The following FAM13A variants were observed in gnomAD, a reference collection of about 807,000 sequenced individuals.
FAM13A encodes the protein protein FAM13A.
A neutral mutation model predicts 129.6 loss-of-function variants in FAM13A; 76 were observed. The ratio of observed to expected loss-of-function variants is 0.59; its 90% CI spans 0.49 to 0.71. FAM13A has a LOEUF of 0.71. FAM13A is among the 30% of genes least tolerant of loss of function. The pLI is 0.00. For missense variants in FAM13A, 1,108 were observed against 1,249.3 expected, an observed-to-expected ratio of 0.89 and a Z score of 1.70; for synonymous variants, 443 against 449.9, an observed-to-expected ratio of 0.98 and a Z score of 0.20.
chr4:88,960,473 C>A (rs1297425433), intron 4 of FAM13A, among the ~76,000 whole-genome samples: 1 of 152,138 alleles, frequency 6.6e-6, no homozygotes, highest in African/African-American at 2.4e-5. Flanking sequence ...TTGAAGTAAT[C>A]CCTTGGTTCT....
chr4:88,985,858 A>AC (rs1762168889), intron 4 of FAM13A, among the ~76,000 whole-genome samples: 1 of 151,882 alleles, frequency 6.6e-6, no homozygotes, highest in Admixed American at 6.6e-5. Flanking sequence ...TAAAAAAAAA[A>AC]AAACTGTTGG....
chr4:88,892,401 G>A (rs186646303), intron 6 of FAM13A, among the ~76,000 whole-genome samples: 41 of 151,920 alleles, frequency 2.7e-4, no homozygotes, highest in Non-Finnish European at 1.6e-4. Context: ...GGATGGTCTC[G>A]ATCTCCTGAC....
intron 3 of FAM13A, among the ~76,000 whole-genome samples, chr4:88,999,859 G>C (rs1235375113): frequency 6.6e-6 from 1 of 152,050 alleles, no homozygotes; most frequent in South Asian, 2.1e-4. Flanking sequence ...TAATCATCTG[G>C]CTATCCCTTC....
chr4:88,873,618 A>G (rs948077011), intron 6 of FAM13A, among the ~76,000 whole-genome samples: 1 of 152,258 alleles, frequency 6.6e-6, no homozygotes, highest in Admixed American at 6.5e-5. Flanking sequence ...GAATAGACCA[A>G]TAACAGCCTC....
intron 6 of FAM13A, among the ~76,000 whole-genome samples, chr4:88,862,877 A>G (rs1312091350): frequency 6.6e-6 from 1 of 152,068 alleles, no homozygotes; most frequent in African/African-American, 2.4e-5. Flanking sequence ...ATTCTACGTA[A>G]ATAATATAGT....
chr4:89,014,002 T>C (rs1766106792), intron 3 of FAM13A, among the ~76,000 whole-genome samples: 1 of 152,138 alleles, frequency 6.6e-6, no homozygotes, highest in Admixed American at 6.6e-5. Flanking sequence ...GTACACCCTG[T>C]GGTGCAATAG....
In FAM13A at chr4:88,865,878, C is replaced by CTTTTTT. The variant is rs34865210; in HGVS notation, c.844-14701_844-14696dup. ...TTTCAACTTTTTCCTTTGTCTCTCT[C>CTTTTTT]TTTTTTTTTTTTTTTTTTTTTTTTT... On this transcript the variant is annotated intron_variant, in intron 6 of 23. Transcript: ENST00000264344. 5.9e-4 allele frequency among the ~76,000 whole-genome samples: 49 copies of CTTTTTT among 83,218 alleles called. 3 individuals carry two copies. The highest frequency in any genetic ancestry group is 9.3e-4 in the African/African-American group (18 of 19,396). 54.6% of individuals were successfully genotyped at this position (83,218 alleles called of 152,430 possible).
chr4:88,938,175 T>A lies in FAM13A; in HGVS notation c.672A>T (p.Leu224=), dbSNP rs763590485. 1.2e-6 allele frequency: 2 copies of A among 1,613,488 alleles called. No homozygotes were observed. Among genetic ancestry groups the A allele is most frequent in the Non-Finnish European group, 1.7e-6 (2 of 1,179,482 alleles). ...DLCNKIMAKI[L]ENYNTLFEVE... ...CTTCAAACAGGGTATTGTAATTTTC[T>A]AGAATTTTAGCCATTATCTTGTTGC... The change falls in exon 5 of 24, where the codon CTA becomes CTT. Residue 224 remains leucine (L), a synonymous_variant. Coordinates refer to ENST00000264344, the MANE Select transcript of FAM13A (RefSeq NM_014883.4).
At chr4:88,862,663 T>C (rs1251114919) in intron 6 of FAM13A, among the ~76,000 whole-genome samples, 1 of 152,212 alleles carries the variant, frequency 6.6e-6, no homozygotes, top group Non-Finnish European at 1.5e-5. Context: ...ACTTTGATGC[T>C]CACTAAAGAG....
At chr4:89,003,636 GA>G (rs1421299594) in intron 3 of FAM13A, among the ~76,000 whole-genome samples, 1 of 143,942 alleles carries the variant, frequency 6.9e-6, no homozygotes, top group African/African-American at 2.6e-5. Context: ...GGGGAAAAAA[GA>G]AAAAAATATA....
intron 1 of FAM13A, among the ~76,000 whole-genome samples, chr4:89,055,997 C>G (rs370374732): frequency 3.3e-5 from 5 of 152,266 alleles, no homozygotes; most frequent in African/African-American, 1.2e-4. Context: ...CAGCAAATTG[C>G]AGCTCTTTCT....
intron 8 of FAM13A, among the ~76,000 whole-genome samples, chr4:88,804,770 T>G (rs1042761431): frequency 5.9e-5 from 9 of 152,188 alleles, no homozygotes; most frequent in African/African-American, 2.2e-4. Flanking sequence ...AATGATCACC[T>G]TGGCACTTTT....
chr4:88,869,095 A>G (rs775359882), intron 6 of FAM13A, among the ~76,000 whole-genome samples: 3 of 152,186 alleles, frequency 2.0e-5, no homozygotes, highest in Non-Finnish European at 4.4e-5. Flanking sequence ...TACCCATACC[A>G]GGAACCTGAG....
chr4:88,803,291 G>C (rs994520449), intron 8 of FAM13A, among the ~76,000 whole-genome samples: 3 of 151,934 alleles, frequency 2.0e-5, no homozygotes, highest in African/African-American at 7.3e-5. Flanking sequence ...CATAAACGTG[G>C]GCCAGTATGC....
chr4:88,983,086 G>A (rs1353051785), intron 4 of FAM13A, among the ~76,000 whole-genome samples: 1 of 152,096 alleles, frequency 6.6e-6, no homozygotes, highest in Non-Finnish European at 1.5e-5. Flanking sequence ...ACAACTTGAT[G>A]GCAGTTCAAC....
chr4:89,039,043 G>C (rs560331277), intron 1 of FAM13A, among the ~76,000 whole-genome samples: 1 of 152,226 alleles, frequency 6.6e-6, no homozygotes, highest in South Asian at 2.1e-4. Context: ...GCATTATAAA[G>C]AATACATAAT....
intron 4 of FAM13A, among the ~76,000 whole-genome samples, chr4:88,987,378 T>A (rs1762369085): frequency 6.6e-6 from 1 of 152,152 alleles, no homozygotes; most frequent in Admixed American, 6.5e-5. Context: ...AGTCACCTAA[T>A]GAATTACTTG....
Position 88,979,650 on chromosome 4 carries a change from A to G in FAM13A, c.605+11323T>C, listed in dbSNP as rs534544215. ...CCAGGAACCTAGTAAGAACTCAATAAATATTGCCTATTATTATTATTGCCA... is the reference window on the plus strand; with the variant it reads ...CCAGGAACCTAGTAAGAACTCAATAGATATTGCCTATTATTATTATTGCCA... On this transcript the variant is annotated intron_variant, in intron 4 of 23. Coordinates refer to ENST00000264344, the MANE Select transcript of FAM13A (RefSeq NM_014883.4). 1.2e-4 allele frequency among the ~76,000 whole-genome samples: 19 copies of G among 152,294 alleles called. No individual in the cohort carries two copies. The South Asian group carries it at 1.7e-3, about 13-fold the overall frequency.
At chr4:88,767,232 T>TA (rs1745859405) in intron 13 of FAM13A, among the ~76,000 whole-genome samples, 1 of 152,300 alleles carries the variant, frequency 6.6e-6, no homozygotes, top group Non-Finnish European at 1.5e-5. Flanking sequence ...TTCAATCACT[T>TA]AAAAAATGCA....
Sources: allele counts gnomAD v4.1 joint callset (sites outside exome capture counted in the v4.1 genomes callset), GRCh38; gene constraint gnomAD v4.1.1; transcripts MANE v1.5; gene names NCBI Gene and HGNC (gene_info 2026-07-23, HGNC 2026-07-21).